PPEF1: variants seen among roughly 807,000 people sequenced by gnomAD.
PPEF1 encodes the protein protein phosphatase with EF-hand domain 1.
Under a neutral mutation model 53.3 loss-of-function variants are expected in PPEF1, and 12 were observed. The ratio of observed to expected loss-of-function variants is 0.23; its 90% CI spans 0.14 to 0.36. The LOEUF (loss-of-function observed/expected upper bound fraction) is 0.36. Ranked by LOEUF, PPEF1 falls within the 10% of genes least tolerant of loss-of-function variation. The pLI is 1.00. For synonymous variants in PPEF1, 165 were observed against 176.7 expected (o/e 0.93, Z 0.52); for missense variants, 334 against 490.4 (o/e 0.68, Z 3.01).
chrX:18,800,312 T>C (rs1265830463), intron 10 of PPEF1, among the ~76,000 whole-genome samples: 1 of 110,624 alleles, frequency 9.0e-6, no homozygotes, highest in Non-Finnish European at 1.9e-5. Context: ...TTATCACATA[T>C]ATAAAATAAT....
chrX:18,763,417 T>C (rs1380666534), intron 6 of PPEF1, among the ~76,000 whole-genome samples: 2 of 112,024 alleles, frequency 1.8e-5, no homozygotes, highest in East Asian at 5.6e-4. Context: ...TGGGCTTTTG[T>C]TACATTCCAG....
At chrX:18,697,976 G>A (rs1437356512) in intron 5 of PPEF1, 1 of 111,308 alleles carries the variant, frequency 9.0e-6, no homozygotes, top group African/African-American at 3.3e-5. Context: ...ATAAGCAGGG[G>A]TTCTAGAGCC....
At chrX:18,774,018 A>G (rs34393801) in intron 6 of PPEF1, among the ~76,000 whole-genome samples, 49,823 of 110,889 alleles carry the variant, frequency 0.45, 8,541 homozygotes, top group Non-Finnish European at 0.54. Context: ...ATAATTATAT[A>G]TTTCATGATT....
intron 7 of PPEF1, among the ~76,000 whole-genome samples, chrX:18,780,779 G>A (rs1244878649): frequency 9.0e-6 from 1 of 110,955 alleles, no homozygotes; most frequent in African/African-American, 3.3e-5. Context: ...AATCGGCCGG[G>A]CATGGTAGCT....
intron 9 of PPEF1, among the ~76,000 whole-genome samples, chrX:18,786,352 TCCTG>T (rs754302334): frequency 2.7e-5 from 3 of 112,172 alleles, no homozygotes; most frequent in African/African-American, 9.7e-5. Flanking sequence ...TAGGTTAACA[TCCTG>T]CCTCTGCCCC....
chrX:18,683,302 A>T (rs1411544137), intron 1 of PPEF1, among the ~76,000 whole-genome samples: 1 of 111,412 alleles, frequency 9.0e-6, no homozygotes, highest in Non-Finnish European at 1.9e-5. Context: ...GGCCAGGTAC[A>T]ATTATACAGT....
At chrX:18,764,510 C>G (rs766144958) in intron 6 of PPEF1, among the ~76,000 whole-genome samples, 1 of 111,287 alleles carries the variant, frequency 9.0e-6, no homozygotes, top group South Asian at 3.8e-4. Flanking sequence ...AGAAGCCTTT[C>G]TGAATAAGTT....
intron 12 of PPEF1, among the ~76,000 whole-genome samples, chrX:18,811,496 T>C (rs960424746): frequency 9.1e-6 from 1 of 109,599 alleles, no homozygotes; most frequent in Admixed American, 1.0e-4. Flanking sequence ...TTTAGAAATA[T>C]TATATTTCAG....
At chrX:18,814,835 CTTTAG>C (rs1281609115) in intron 12 of PPEF1, among the ~76,000 whole-genome samples, 2 of 111,784 alleles carry the variant, frequency 1.8e-5, no homozygotes, top group Non-Finnish European at 3.8e-5. Context: ...TGCAGAAGTT[CTTTAG>C]TTTAATTAGT....
intron 10 of PPEF1, among the ~76,000 whole-genome samples, chrX:18,794,618 G>C (rs1475483344): frequency 2.7e-5 from 3 of 112,821 alleles, no homozygotes; most frequent in Non-Finnish European, 3.8e-5. Flanking sequence ...GGGGCAGTTG[G>C]GGTCTAGCAC....
At chrX:18,791,732 A>C (rs756357151) in intron 10 of PPEF1, among the ~76,000 whole-genome samples, 100 of 111,842 alleles carry the variant, frequency 8.9e-4, no homozygotes, top group Non-Finnish European at 1.6e-3. Flanking sequence ...GTTGAATAAA[A>C]GTGAAGAGAG....
intron 3 of PPEF1, among the ~76,000 whole-genome samples, chrX:18,739,975 C>G (rs1370813960): frequency 1.8e-5 from 2 of 112,538 alleles, no homozygotes; most frequent in Non-Finnish European, 3.8e-5. Flanking sequence ...TTTGCTAAGA[C>G]CATTGGAAAA....
chrX:18,726,721 C>T (rs1302478289), intron 1 of PPEF1, among the ~76,000 whole-genome samples: 10 of 109,010 alleles, frequency 9.2e-5, no homozygotes, highest in African/African-American at 2.7e-4. Context: ...AGTGCAGTGG[C>T]GGTGATCTTG....
intron 7 of PPEF1, among the ~76,000 whole-genome samples, chrX:18,780,578 G>A (rs1317732604): frequency 8.9e-6 from 1 of 112,175 alleles, no homozygotes; most frequent in Non-Finnish European, 1.9e-5. Flanking sequence ...GGAGGAGAGA[G>A]TTGGAGAGGG....
intron 10 of PPEF1, among the ~76,000 whole-genome samples, chrX:18,792,443 C>T (rs1375214422): frequency 9.0e-6 from 1 of 111,446 alleles, no homozygotes. Context: ...TTTCCTGAAA[C>T]AAATTTATTT....
At chrX:18,756,400 G>A (rs1194396515) in intron 4 of PPEF1, among the ~76,000 whole-genome samples, 2 of 110,880 alleles carry the variant, frequency 1.8e-5, no homozygotes, top group African/African-American at 3.3e-5. Flanking sequence ...GGCTGGTCTC[G>A]AACTTCTGAC....
intron 10 of PPEF1, 24 bp from the exon 11 acceptor site, chrX:18,803,868 C>T (rs762582473): frequency 1.2e-4 from 145 of 1,160,127 alleles, no homozygotes; most frequent in African/African-American, 3.1e-4. Flanking sequence ...TAAGTTACAG[C>T]GAAATCTGGT....
rs1013079878 is a variant in PPEF1, at chrX:18,757,525, C to T, written c.397-102C>T. On this transcript the variant is annotated intron_variant, in intron 4 of 15. Coordinates refer to ENST00000470157, the MANE Select transcript of PPEF1 (RefSeq NM_001377996.1). ...ATTGAAAGGTTATCCTGAAATACAG[C>T]GACCTGAAACGTGCGTGCTTGCTCC... 52 of 553,517 alleles carry T rather than the reference C, an allele frequency of 9.4e-5. No individual in the cohort carries two copies. The African/African-American group carries it at 9.4e-4, about 10-fold the overall frequency. 45.6% of individuals were successfully genotyped at this position (553,517 alleles called of 1,213,427 possible).
chrX:18,780,871 A>G (rs764850138), intron 7 of PPEF1, among the ~76,000 whole-genome samples: 3 of 109,590 alleles, frequency 2.7e-5, no homozygotes, highest in African/African-American at 9.9e-5. Flanking sequence ...TGGCTAACAC[A>G]GTGAAACCCC....
Sources: gnomAD v4.1 joint callset for allele counts (sites outside exome capture counted in the v4.1 genomes callset) on GRCh38, gnomAD v4.1.1 for gene constraint, MANE v1.5 for transcripts, NCBI Gene and HGNC (gene_info 2026-07-23, HGNC 2026-07-21) for gene names.